The following ELOVL2 variants were observed in gnomAD, a reference collection of about 807,000 sequenced individuals.
ELOVL2 encodes the protein very long chain fatty acid elongase 2.
ELOVL2 carries 38 observed loss-of-function variants against 37.7 expected under a neutral mutation model. The ratio of observed to expected loss-of-function variants is 1.01; its 90% confidence interval spans 0.78 to 1.32. ELOVL2 has a LOEUF of 1.32. Among genes scored for constraint, ELOVL2 ranks in the 40% most tolerant of loss-of-function variants. The pLI, the probability that ELOVL2 is intolerant of heterozygous loss-of-function variation, is 0.00. For missense variants in ELOVL2, 352 were observed against 363.6 expected (o/e 0.97, Z 0.26); for synonymous variants, 115 against 122.3 (o/e 0.94, Z 0.40).
In ELOVL2 at chr6:10,998,914, CATTAAT is replaced by C. The variant is rs1353046961; in HGVS notation, c.333+1167_333+1172del. Among the ~76,000 whole-genome samples the C allele has an allele frequency of 3.3e-5, 5 of 152,258 alleles. No homozygotes were observed. The East Asian group carries it at 9.6e-4, about 29-fold the overall frequency. On this transcript the variant is annotated intron_variant, in intron 4 of 7. Transcript: ENST00000354666. ...TCTGATATTTCCAATTTGAATCTAT[CATTAAT>C]GAGTTTTAGTTTAACTTTTTTATTG... is the stretch of plus-strand genomic sequence containing the variant.
intron 1 of ELOVL2, among the ~76,000 whole-genome samples, chr6:11,042,309 C>T (rs147066744): frequency 2.3e-3 from 348 of 151,438 alleles, no homozygotes; most frequent in African/African-American, 7.8e-3. Flanking sequence ...TGAGACCCTG[C>T]CACAAAAAAA....
intron 1 of ELOVL2, among the ~76,000 whole-genome samples, chr6:11,025,812 TCACC>T (rs1276120090): frequency 1.3e-5 from 2 of 152,254 alleles, no homozygotes; most frequent in African/African-American, 4.8e-5. Context: ...GCAGAAGTCT[TCACC>T]CAGTTTTAGC....
chr6:11,041,122 T>G (rs1195726015), intron 1 of ELOVL2, among the ~76,000 whole-genome samples: 1 of 152,222 alleles, frequency 6.6e-6, no homozygotes, highest in East Asian at 1.9e-4. Flanking sequence ...TTCACCACAT[T>G]GGGCCATTAA....
intron 1 of ELOVL2, among the ~76,000 whole-genome samples, chr6:11,030,014 G>A (rs1254010797): frequency 1.3e-5 from 2 of 152,164 alleles, no homozygotes; most frequent in African/African-American, 4.8e-5. Flanking sequence ...TACAGTAAAG[G>A]TTCTTATGAC....
chr6:11,002,773 C>G (rs1782412907), intron 3 of ELOVL2, among the ~76,000 whole-genome samples: 1 of 152,164 alleles, frequency 6.6e-6, no homozygotes, highest in Non-Finnish European at 1.5e-5. Context: ...TCACATTTAC[C>G]AACTCCTACC....
At chr6:11,000,270 G>C in intron 3 of ELOVL2, 106 bp from the exon 4 acceptor site, 2 of 1,033,622 alleles carry the variant, frequency 1.9e-6, no homozygotes, top group Non-Finnish European at 2.9e-6. Flanking sequence ...GGTTTGAGTA[G>C]GAATTTCCCA....
At chr6:11,019,705 G>T (rs1420799273) in intron 1 of ELOVL2, among the ~76,000 whole-genome samples, 1 of 150,448 alleles carries the variant, frequency 6.6e-6, no homozygotes, top group African/African-American at 2.5e-5. Context: ...TTTTTACTCT[G>T]TATATGTCTC....
chr6:11,007,276 CATT>C (rs1239931837), intron 2 of ELOVL2, among the ~76,000 whole-genome samples: 2 of 152,176 alleles, frequency 1.3e-5, no homozygotes, highest in Non-Finnish European at 2.9e-5. Flanking sequence ...GTGAATGTGA[CATT>C]ATTTGAAAAT....
chr6:10,984,758 C>A (rs1782014938), intron 7 of ELOVL2, among the ~76,000 whole-genome samples: 1 of 151,570 alleles, frequency 6.6e-6, no homozygotes, highest in African/African-American at 2.4e-5. Context: ...TCCAGTCTAT[C>A]ATTGTTGGAC....
chr6:10,999,953 C>T, intron 4 of ELOVL2, 134 bp downstream of exon 4: 1 of 746,608 alleles, frequency 1.3e-6, no homozygotes, highest in Non-Finnish European at 2.2e-6. Flanking sequence ...TCTTTGTTAC[C>T]AAGCATTTCT....
At chr6:10,985,238 T>C (rs1782026062) in intron 7 of ELOVL2, among the ~76,000 whole-genome samples, 1 of 151,954 alleles carries the variant, frequency 6.6e-6, no homozygotes, top group Non-Finnish European at 1.5e-5. Flanking sequence ...TTTGTTTGAG[T>C]TCATTGTAGA....
At chr6:11,010,023 CTTTTT>C (rs150370092) in intron 2 of ELOVL2, among the ~76,000 whole-genome samples, 2 of 133,030 alleles carry the variant, frequency 1.5e-5, no homozygotes, top group African/African-American at 5.5e-5. Flanking sequence ...GCGCACACAT[CTTTTT>C]TTTTTTTTTT....
rs905194447 is a variant in ELOVL2, at chr6:10,981,395, G to A, written c.*2386C>T. 21 of 152,526 alleles carry A rather than the reference G, an allele frequency of 1.4e-4. No homozygotes were observed. Among genetic ancestry groups the A allele is most frequent in the African/African-American group, 4.8e-4 (20 of 41,420 alleles). The allele number at this position is 152,526 out of a possible 1,614,324, so 9.4% of individuals were successfully genotyped here. ...TAACGACAGGTTAAAATGTTTACCTGATTTATTTTTTGTGGCTAAGATTTC... is the reference window on the plus strand; with the variant it reads ...TAACGACAGGTTAAAATGTTTACCTAATTTATTTTTTGTGGCTAAGATTTC... On this transcript the variant is annotated 3_prime_UTR_variant, in exon 8 of 8. Coordinates refer to ENST00000354666, the MANE Select transcript of ELOVL2 (RefSeq NM_017770.4).
rs1581859850 is a variant in ELOVL2, at chr6:10,992,374, CA to C, written c.506-1933del. ...TATTGTATTTCTAAATTCTTGAGAA[CA>C]AGACAGTATCAAATAGAGAGTACTG... is the stretch of plus-strand genomic sequence containing the variant. On this transcript the variant is annotated intron_variant, in intron 5 of 7. Transcript: ENST00000354666. Among the ~76,000 whole-genome samples the C allele has an allele frequency of 3.3e-5, 5 of 152,256 alleles. No homozygotes were observed. The East Asian group carries it at 9.6e-4, about 29-fold the overall frequency.
chr6:11,036,214 A>G (rs3798718), intron 1 of ELOVL2, among the ~76,000 whole-genome samples: 44,504 of 152,122 alleles, frequency 0.29, 7,066 homozygotes, highest in African/African-American at 0.41. Context: ...AGTAAACCTA[A>G]TTTACAAAAG....
intron 5 of ELOVL2, among the ~76,000 whole-genome samples, chr6:10,992,957 C>T (rs1046446690): frequency 1.3e-5 from 2 of 151,980 alleles, no homozygotes; most frequent in African/African-American, 4.8e-5. Flanking sequence ...CTTTAGGAAG[C>T]TGAGGGGGGA....
At chr6:10,992,338 C>T (rs1395146822) in intron 5 of ELOVL2, among the ~76,000 whole-genome samples, 2 of 152,200 alleles carry the variant, frequency 1.3e-5, no homozygotes, top group South Asian at 2.1e-4. Flanking sequence ...TTTACATGTT[C>T]TGATTTTTCA....
At chr6:10,984,077 G>C (rs902423418) in intron 7 of ELOVL2, among the ~76,000 whole-genome samples, 171 bp from the exon 8 acceptor site, 1 of 152,178 alleles carries the variant, frequency 6.6e-6, no homozygotes, top group South Asian at 2.1e-4. Flanking sequence ...GAGTGCAATG[G>C]CACGATCCCC....
chr6:11,021,448 T>C (rs1561724955), intron 1 of ELOVL2, among the ~76,000 whole-genome samples: 1 of 152,218 alleles, frequency 6.6e-6, no homozygotes, highest in Non-Finnish European at 1.5e-5. Flanking sequence ...TCTTTTTCCT[T>C]TGACAACACT....
Sources: allele counts gnomAD v4.1 joint callset (sites outside exome capture counted in the v4.1 genomes callset), GRCh38; gene constraint gnomAD v4.1.1; transcripts MANE v1.5; gene names NCBI Gene and HGNC (gene_info 2026-07-23, HGNC 2026-07-21).